NR6A1: variants seen among roughly 807,000 people sequenced by gnomAD.
NR6A1 encodes retinoic acid receptor-related testis-associated receptor.
NR6A1 carries 7 observed loss-of-function variants against 59.1 expected under a neutral mutation model. The observed-to-expected ratio is 0.12, with a 90% CI of 0.07 to 0.22. NR6A1 has a LOEUF of 0.22. Ranked by LOEUF, NR6A1 falls within the 10% of genes least tolerant of loss-of-function variation. The pLI is 1.00. For synonymous variants in NR6A1, 243 were observed against 236.1 expected, an observed-to-expected ratio of 1.03 and a Z score of -0.27; for missense variants, 468 against 611.6, an observed-to-expected ratio of 0.77 and a Z score of 2.48.
chr9:124,605,191 A>G (rs893162943), intron 2 of NR6A1, among the ~76,000 whole-genome samples: 22 of 152,222 alleles, frequency 1.4e-4, no homozygotes, highest in African/African-American at 5.3e-4. Context: ...TCAGAATAAC[A>G]CATTCATCTA....
At chr9:124,713,734 G>C (rs1839344121) in intron 2 of NR6A1, among the ~76,000 whole-genome samples, 1 of 152,170 alleles carries the variant, frequency 6.6e-6, no homozygotes. Flanking sequence ...CAAAAACACA[G>C]TAAATAAGTG....
At chr9:124,560,561 T>A (rs1267871723) in intron 2 of NR6A1, among the ~76,000 whole-genome samples, 1 of 152,202 alleles carries the variant, frequency 6.6e-6, no homozygotes, top group Admixed American at 6.5e-5. Context: ...CAATTGGTTT[T>A]GTCTTTTATC....
intron 2 of NR6A1, among the ~76,000 whole-genome samples, chr9:124,636,879 C>G (rs928169685): frequency 6.6e-6 from 1 of 152,188 alleles, no homozygotes; most frequent in African/African-American, 2.4e-5. Context: ...ATATGTACAA[C>G]TCAAATTGAA....
intron 2 of NR6A1, among the ~76,000 whole-genome samples, chr9:124,729,688 C>A (rs755355846): frequency 1.3e-5 from 2 of 152,236 alleles, no homozygotes; most frequent in Non-Finnish European, 2.9e-5. Flanking sequence ...AAAACCACAG[C>A]CAATTTAACA....
intron 2 of NR6A1, among the ~76,000 whole-genome samples, chr9:124,703,829 G>C (rs1370470645): frequency 1.8e-5 from 2 of 111,236 alleles, no homozygotes; most frequent in Non-Finnish European, 3.9e-5. Context: ...TTGCTTCCTT[G>C]ATTTTTTTTT....
intron 2 of NR6A1, among the ~76,000 whole-genome samples, chr9:124,704,195 A>C (rs1269447533): frequency 2.6e-5 from 4 of 152,018 alleles, no homozygotes; most frequent in African/African-American, 9.7e-5. Context: ...AATCCTTTCA[A>C]TTTCTGTGGG....
rs139826869 is a variant in NR6A1 at position 124,739,941 on chromosome 9, C to T, written c.101-6592G>A. Among the ~76,000 whole-genome samples the T allele has an allele frequency of 2.6e-5, 4 of 152,224 alleles. No individual in the cohort carries two copies. The East Asian group carries it at 7.7e-4, about 29-fold the overall frequency. On this transcript the variant is annotated intron_variant, in intron 1 of 9. Coordinates refer to ENST00000487099, the MANE Select transcript of NR6A1 (RefSeq NM_033334.4). The stretch of plus-strand genomic sequence containing the variant: ...GCTAGTTACTCAGTCTCTTTTGAAG[C>T]CTCAATAACCCATATGTAAGATTAA...
rs547199720 is a variant in NR6A1 at position 124,697,474 on chromosome 9, G to T, written c.142+35834C>A. 3.3e-5 allele frequency among the ~76,000 whole-genome samples: 5 copies of T among 152,270 alleles called. No homozygotes were observed. In the South Asian group the frequency reaches 8.3e-4, roughly 25 times the overall value. On this transcript the variant is annotated intron_variant, in intron 2 of 9. Coordinates refer to ENST00000487099, the MANE Select transcript of NR6A1 (RefSeq NM_033334.4). Reference sequence around the variant, plus strand: ...GTAAGAAGGGTCAGGGAACTTCCTTGAGGAAGTGATGTATAAGTAAAGACT... The same window carrying T: ...GTAAGAAGGGTCAGGGAACTTCCTTTAGGAAGTGATGTATAAGTAAAGACT...
chr9:124,681,089 T>C (rs868232079), intron 2 of NR6A1, among the ~76,000 whole-genome samples: 1 of 152,206 alleles, frequency 6.6e-6, no homozygotes, highest in South Asian at 2.1e-4. Context: ...ATATTCTGTG[T>C]GACAAAACAG....
At chr9:124,663,986 G>A (rs753899860) in intron 2 of NR6A1, among the ~76,000 whole-genome samples, 5 of 152,074 alleles carry the variant, frequency 3.3e-5, no homozygotes, top group East Asian at 3.9e-4. Flanking sequence ...AGATTTCTAC[G>A]ACCTCCTCTT....
At chr9:124,687,255 G>C (rs1380080689) in intron 2 of NR6A1, among the ~76,000 whole-genome samples, 1 of 150,188 alleles carries the variant, frequency 6.7e-6, no homozygotes, top group East Asian at 2.0e-4. Context: ...TAAATAGCTG[G>C]GACTACAGGC....
chr9:124,536,227 C>A (rs1387677814), intron 6 of NR6A1, 95 bp from the exon 7 acceptor site: 1 of 1,382,862 alleles, frequency 7.2e-7, no homozygotes, highest in Non-Finnish European at 9.9e-7. Context: ...CAAAGGGACC[C>A]TGGCAATGGG....
At chr9:124,770,265 CAGGGGCGGAG>C (rs1191519556) in intron 1 of NR6A1, 2 of 152,162 alleles carry the variant, frequency 1.3e-5, no homozygotes, top group Non-Finnish European at 2.9e-5. Flanking sequence ...GGGAGCTGAG[CAGGGGCGGAG>C]ACCGGCCAGA....
chr9:124,525,119 C>T (rs562203333), intron 8 of NR6A1, among the ~76,000 whole-genome samples: 2 of 152,250 alleles, frequency 1.3e-5, no homozygotes. Context: ...AGGCTTCTCT[C>T]AACTTCATAC....
intron 2 of NR6A1, among the ~76,000 whole-genome samples, chr9:124,712,188 A>AG (rs1839298051): frequency 6.6e-6 from 1 of 152,226 alleles, no homozygotes; most frequent in Non-Finnish European, 1.5e-5. Context: ...CTGAAGGAGG[A>AG]GGAGAGAGCG....
intron 7 of NR6A1, 59 bp from the exon 8 acceptor site, chr9:124,526,959 G>A (rs1832955849): frequency 6.2e-7 from 1 of 1,602,776 alleles, no homozygotes; most frequent in Non-Finnish European, 8.5e-7. Flanking sequence ...GCCAGGAAAG[G>A]GCAGCCAGAG....
At chr9:124,564,086 C>CCAACAA (rs575138169) in intron 2 of NR6A1, among the ~76,000 whole-genome samples, 2 of 152,086 alleles carry the variant, frequency 1.3e-5, no homozygotes, top group Non-Finnish European at 2.9e-5. Flanking sequence ...TCTAAAAAAA[C>CCAACAA]CAACAACAAC....
intron 2 of NR6A1, among the ~76,000 whole-genome samples, chr9:124,603,456 G>A (rs1254655501): frequency 6.6e-6 from 1 of 152,026 alleles, no homozygotes; most frequent in Non-Finnish European, 1.5e-5. Flanking sequence ...CAGGCCCTGT[G>A]TTAAATATAC....
At chr9:124,615,158 C>T (rs1350508625) in intron 2 of NR6A1, among the ~76,000 whole-genome samples, 1 of 152,202 alleles carries the variant, frequency 6.6e-6, no homozygotes, top group Non-Finnish European at 1.5e-5. Context: ...AATTGCTGAA[C>T]TTCCAGGCTA....
Sources: allele counts gnomAD v4.1 joint callset (sites outside exome capture counted in the v4.1 genomes callset), GRCh38; gene constraint gnomAD v4.1.1; transcripts MANE v1.5; gene names NCBI Gene and HGNC (gene_info 2026-07-23, HGNC 2026-07-21).